Variants in RARB observed in about 807,000 individuals in gnomAD.
The protein encoded by RARB is HBV-activated protein.
RARB carries 17 observed loss-of-function variants against 51.9 expected under a neutral mutation model. The observed-to-expected ratio is 0.33, with a 90% CI of 0.22 to 0.49. RARB has a LOEUF of 0.49. Ranked by LOEUF, RARB falls within the 20% of genes least tolerant of loss-of-function variation. RARB has a pLI of 0.99. For missense variants in RARB, 369 were observed against 550.8 expected (o/e 0.67, Z 3.30); for synonymous variants, 215 against 195.4 (o/e 1.10, Z -0.84).
At chr3:25,249,413 C>A (rs141643859) in intron 5 of RARB, among the ~76,000 whole-genome samples, 178 of 152,054 alleles carry the variant, frequency 1.2e-3, no homozygotes, top group Middle Eastern at 3.4e-3. Flanking sequence ...AATTTGAATT[C>A]GTTTTCCAGA....
intron 4 of RARB, among the ~76,000 whole-genome samples, chr3:25,140,581 T>C (rs9869089): frequency 0.27 from 41,111 of 152,048 alleles, 5,860 homozygotes; most frequent in South Asian, 0.36. Context: ...CTGGTGAAGA[T>C]GCTGTGAACA....
intron 5 of RARB, among the ~76,000 whole-genome samples, chr3:25,186,581 T>A (rs1370509027): frequency 6.6e-6 from 1 of 152,106 alleles, no homozygotes; most frequent in Non-Finnish European, 1.5e-5. Context: ...ATTCACTAAA[T>A]TGAATATTAT....
At chr3:24,970,408 GTCT>G (rs1559416136) in intron 2 of RARB, among the ~76,000 whole-genome samples, 4 of 152,112 alleles carry the variant, frequency 2.6e-5, no homozygotes, top group African/African-American at 9.6e-5. Context: ...AGACAATTCT[GTCT>G]TCTTTATAAT....
intron 2 of RARB, among the ~76,000 whole-genome samples, chr3:25,472,503 GTTTT>G (rs199904412): frequency 4.6e-5 from 7 of 151,998 alleles, no homozygotes; most frequent in Non-Finnish European, 1.0e-4. Context: ...TCTACCATAG[GTTTT>G]TTTTATTTGA....
intron 3 of RARB, among the ~76,000 whole-genome samples, chr3:25,123,712 C>T (rs1175698279): frequency 6.6e-6 from 1 of 152,166 alleles, no homozygotes; most frequent in Admixed American, 6.6e-5. Flanking sequence ...AGCTCACACC[C>T]AGTATTATTT....
intron 5 of RARB, among the ~76,000 whole-genome samples, chr3:25,337,603 C>T (rs1191527368): frequency 6.6e-6 from 1 of 152,096 alleles, no homozygotes; most frequent in East Asian, 1.9e-4. Context: ...GTTCTTCCAC[C>T]AAATCTTTAC....
At chr3:24,939,172 C>T (rs1695607238) in intron 2 of RARB, among the ~76,000 whole-genome samples, 1 of 152,080 alleles carries the variant, frequency 6.6e-6, no homozygotes. Context: ...TTAGTAGAAA[C>T]TGGGTTTCAT....
At chr3:25,415,316 T>C (rs918198024) in intron 5 of RARB, among the ~76,000 whole-genome samples, 5 of 152,234 alleles carry the variant, frequency 3.3e-5, no homozygotes, top group African/African-American at 9.6e-5. Flanking sequence ...TCTAAAAGTT[T>C]ATGATTTTAT....
intron 5 of RARB, among the ~76,000 whole-genome samples, chr3:25,362,765 C>A (rs998482738): frequency 2.6e-5 from 4 of 152,118 alleles, no homozygotes; most frequent in Admixed American, 2.6e-4. Context: ...TGAAGCAGTG[C>A]CCCACCCTGC....
intron 5 of RARB, among the ~76,000 whole-genome samples, chr3:25,421,164 C>T (rs1403189308): frequency 1.1e-4 from 16 of 151,768 alleles, no homozygotes; most frequent in Non-Finnish European, 2.9e-5. Context: ...TATAAAAATG[C>T]TTCAGTGTGG....
At chr3:25,086,719 CCAGGTCA>C (rs1264589725) in intron 3 of RARB, among the ~76,000 whole-genome samples, 1 of 151,966 alleles carries the variant, frequency 6.6e-6, no homozygotes, top group African/African-American at 2.4e-5. Context: ...AGGGGCACTT[CCAGGTCA>C]CAGGTGTATT....
chr3:25,155,264 C>T (rs1700355963), intron 4 of RARB, among the ~76,000 whole-genome samples: 1 of 152,146 alleles, frequency 6.6e-6, no homozygotes, highest in Non-Finnish European at 1.5e-5. Flanking sequence ...TGATCACCCT[C>T]CCTTTTAGAA....
At chr3:24,835,264 G>C (rs1009987111) in intron 1 of RARB, among the ~76,000 whole-genome samples, 1 of 152,302 alleles carries the variant, frequency 6.6e-6, no homozygotes, top group East Asian at 1.9e-4. Context: ...AAAGATGGAA[G>C]AAAGAGAACT....
rs556847991 is a variant in RARB, at chr3:24,917,037, A to C, written c.-380+58285A>C. Among the ~76,000 whole-genome samples the C allele has an allele frequency of 9.2e-5, 14 of 152,362 alleles. No homozygotes were observed. In the South Asian group the frequency reaches 2.9e-3, roughly 32 times the overall value. ...AACTAATTTATGAAGAATAGTGAAT[A>C]CTGCAAATGTTAAAAATTGTCATGG... On this transcript the variant is annotated intron_variant, in intron 2 of 11. Transcript: ENST00000383772.
Position 25,310,143 on chromosome 3 carries a change from C to T in RARB, c.178+135568C>T, listed in dbSNP as rs537460660. Among the ~76,000 whole-genome samples, 4 of 152,294 alleles carry T rather than the reference C, an allele frequency of 2.6e-5. No homozygotes were observed. In the South Asian group the frequency reaches 8.3e-4, roughly 32 times the overall value. On this transcript the variant is annotated intron_variant, in intron 5 of 11. Coordinates refer to the RARB transcript ENST00000383772. Reference sequence around the variant, plus strand: ...CATTTGTCTGCAAATTTGAAACCCTCCAGTGCTCTTTCTTTTTGGCACGGT... The same window carrying T: ...CATTTGTCTGCAAATTTGAAACCCTTCAGTGCTCTTTCTTTTTGGCACGGT...
rs540027877 is a variant in RARB at position 25,390,578 on chromosome 3, T to C, written c.179-70615T>C. On this transcript the variant is annotated intron_variant, in intron 5 of 11. Transcript: ENST00000383772. Reference sequence around the variant, plus strand: ...GTGAATATTAGAAGACCCGTTCATTTTTTTCTCTTCAAAAAATAATAGTAC... The same window carrying C: ...GTGAATATTAGAAGACCCGTTCATTCTTTTCTCTTCAAAAAATAATAGTAC... Among the ~76,000 whole-genome samples the C allele has an allele frequency of 1.2e-4, 17 of 147,544 alleles. No homozygotes were observed. In the South Asian group the frequency reaches 3.8e-3, roughly 33 times the overall value.
At chr3:25,426,555 C>T (rs1403264741), upstream of RARB, among the ~76,000 whole-genome samples, 1 of 152,200 alleles carries the variant, frequency 6.6e-6, no homozygotes, top group Non-Finnish European at 1.5e-5. Context: ...TTTTAAAAGG[C>T]CCGGATGCCA....
At chr3:24,980,679 G>C (rs930463689) in intron 2 of RARB, among the ~76,000 whole-genome samples, 6 of 151,918 alleles carry the variant, frequency 3.9e-5, no homozygotes, top group Non-Finnish European at 5.9e-5. Flanking sequence ...CTTTTTTCAT[G>C]GTTTTTAGCT....
rs148970742 is a variant in RARB at position 25,036,233 on chromosome 3, T to G, written c.-379-23892T>G. 3.8e-3 allele frequency among the ~76,000 whole-genome samples: 574 copies of G among 152,228 alleles called. 3 individuals are homozygous for G. Among genetic ancestry groups the G allele is most frequent in the African/African-American group, 0.013 (555 of 41,534 alleles). On this transcript the variant is annotated intron_variant, in intron 2 of 11. Coordinates refer to the RARB transcript ENST00000383772. ...CAAGAACCTCCTTGCGGCAGTTGTA[T>G]GAGATAGACATCTTTAGCTCCCTCT...
Sources: allele counts gnomAD v4.1 joint callset (sites outside exome capture counted in the v4.1 genomes callset), GRCh38; gene constraint gnomAD v4.1.1; transcripts MANE v1.5; gene names NCBI Gene and HGNC (gene_info 2026-07-23, HGNC 2026-07-21).